SF1: variants seen among roughly 807,000 people sequenced by gnomAD.
SF1 encodes splicing factor 1, also known as branch point-binding protein.
A neutral mutation model predicts 62.5 loss-of-function variants in SF1; 7 were observed. The observed-to-expected ratio is 0.11, with a 90% CI of 0.06 to 0.21. The LOEUF (loss-of-function observed/expected upper bound fraction) is 0.21, where lower values mean the gene tolerates loss of function less well. Ranked by LOEUF, SF1 falls within the 10% of genes least tolerant of loss-of-function variation. The pLI is 1.00. For missense variants in SF1, 578 were observed against 884.0 expected (o/e 0.65, Z 4.39); for synonymous variants, 394 against 323.6 (o/e 1.22, Z -2.33).
At chr11:64,778,190 A>C in intron 1 of SF1, 172 bp downstream of exon 1, 1 of 1,011,360 alleles carries the variant, frequency 9.9e-7, no homozygotes, top group Non-Finnish European at 1.2e-6. Context: ...CGGCGGAGGC[A>C]GCGCCGCGAA....
intron 12 of SF1, chr11:64,766,680 C>T: frequency 4.4e-6 from 2 of 456,000 alleles, no homozygotes; most frequent in Middle Eastern, 5.6e-4. Flanking sequence ...CCCCTCCAGG[C>T]CCCCACGAAC....
chr11:64,765,367 C>T lies in SF1; in HGVS notation c.*451G>A, dbSNP rs775265627. Reference sequence around the variant, plus strand: ...TTCACGATATGGAGCCAGCGTGTTCCGATTCCGTCCACAAAAATAACTCAG... The same window carrying T: ...TTCACGATATGGAGCCAGCGTGTTCTGATTCCGTCCACAAAAATAACTCAG... On this transcript the variant is annotated 3_prime_UTR_variant, in exon 13 of 13. Coordinates refer to ENST00000377390, the MANE Select transcript of SF1 (RefSeq NM_004630.4). 2.4e-5 allele frequency: 23 copies of T among 955,318 alleles called. No individual in the cohort carries two copies. Among genetic ancestry groups the T allele is most frequent in the Non-Finnish European group, 3.0e-5 (18 of 597,752 alleles). 59.2% of individuals were successfully genotyped at this position (955,318 alleles called of 1,614,324 possible).
In SF1 at chr11:64,776,480, T is replaced by A. The variant is rs755650199; in HGVS notation, c.160+18A>T. ...GTAACAATCTCAAAGTGCATTTGGATGCAGAACGTATATTTACCTATATAA... is the reference window on the plus strand; with the variant it reads ...GTAACAATCTCAAAGTGCATTTGGAAGCAGAACGTATATTTACCTATATAA... On this transcript the variant is annotated intron_variant, in intron 2 of 12. Coordinates refer to ENST00000377390, the MANE Select transcript of SF1 (RefSeq NM_004630.4). 6.4e-7 allele frequency: 1 copy of A among 1,568,672 alleles called. No individual in the cohort carries two copies. The highest frequency in any genetic ancestry group is 8.6e-7 in the Non-Finnish European group (1 of 1,162,478).
Position 64,769,629 on chromosome 11 carries a change from T to C in SF1, c.480-20A>G. The C allele has an allele frequency of 6.2e-7, 1 of 1,604,592 alleles. No homozygotes were observed. The highest frequency in any genetic ancestry group is 8.5e-7 in the Non-Finnish European group (1 of 1,172,882). On this transcript the variant is annotated intron_variant, in intron 5 of 12. Coordinates refer to ENST00000377390, the MANE Select transcript of SF1 (RefSeq NM_004630.4). ...TTCCCTCTAGAGAGGCAGAAATGAC[T>C]AAGTTTATACCTGACAAATTCACAC...
intron 3 of SF1, chr11:64,771,780 T>C (rs1198732345): frequency 1.2e-5 from 12 of 985,008 alleles, no homozygotes; most frequent in Non-Finnish European, 1.4e-5. Flanking sequence ...AGCATCAAAA[T>C]AACAATAAAG....
At chr11:64,773,304 A>G in intron 3 of SF1, 126 bp downstream of exon 3, 3 of 1,475,164 alleles carry the variant, frequency 2.0e-6, no homozygotes, top group South Asian at 2.9e-5. Context: ...CTTAATCCCC[A>G]AAGTGGTCAG....
chr11:64,777,776 T>TACC, intron 1 of SF1: 1 of 960,796 alleles, frequency 1.0e-6, no homozygotes, highest in Non-Finnish European at 1.2e-6. Flanking sequence ...ACAGAGCGCC[T>TACC]CCCGCCCGCC....
At chr11:64,772,904 A>G in intron 3 of SF1, 1 of 986,952 alleles carries the variant, frequency 1.0e-6, no homozygotes, top group Non-Finnish European at 1.2e-6. Flanking sequence ...CAAGGCTGAA[A>G]GTTAACTGGC....
chr11:64,776,931 G>C (rs1429160306), intron 1 of SF1, among the ~76,000 whole-genome samples: 3 of 152,196 alleles, frequency 2.0e-5, no homozygotes, highest in Non-Finnish European at 4.4e-5. Flanking sequence ...GTGTTAGATA[G>C]ATACTACATC....
chr11:64,766,586 A>G (rs2058687538), intron 12 of SF1: 1 of 410,682 alleles, frequency 2.4e-6, no homozygotes, highest in Non-Finnish European at 4.3e-6. Context: ...CACTCGACCC[A>G]TATGCACCAG....
intron 2 of SF1, among the ~76,000 whole-genome samples, chr11:64,775,268 G>A (rs746322718): frequency 6.6e-6 from 1 of 152,024 alleles, no homozygotes; most frequent in African/African-American, 2.4e-5. Flanking sequence ...TAGTCCTTAG[G>A]GCCCAGTGAA....
intron 3 of SF1, chr11:64,772,322 T>G (rs1248479538): frequency 1.0e-6 from 1 of 982,414 alleles, no homozygotes; most frequent in East Asian, 1.1e-4. Context: ...CAATGTAAAT[T>G]TAAAAAAAAA....
At position 64,764,846 on chromosome 11, in the gene SF1, A is replaced by G. The variant is rs1228471509; in HGVS notation, c.*972T>C. On this transcript the variant is annotated 3_prime_UTR_variant, in exon 13 of 13. Transcript: ENST00000377390. ...CAAAACATTCAGACATTTGGGATTA[A>G]AACAAAACATAAAAGGAAGCCTTCC... The G allele has an allele frequency of 6.6e-6, 1 of 152,440 alleles. No homozygotes were observed. Among genetic ancestry groups the G allele is most frequent in the African/African-American group, 2.4e-5 (1 of 41,460 alleles). The allele number at this position is 152,440 out of a possible 1,614,324, so 9.4% of individuals were successfully genotyped here.
In SF1 at chr11:64,768,199, G is replaced by A. The variant is rs758940242; in HGVS notation, c.975C>T (p.Val325=). The A allele has an allele frequency of 6.2e-7, 1 of 1,614,084 alleles. No homozygotes were observed. Among genetic ancestry groups the A allele is most frequent in the Non-Finnish European group, 8.5e-7 (1 of 1,179,974 alleles). Residue 325 remains valine (V), a synonymous_variant, in exon 9 of 13, where the codon GTC becomes GTT. Coordinates refer to ENST00000377390, the MANE Select transcript of SF1 (RefSeq NM_004630.4). The part of the protein sequence containing the change: ...SLMAELGEAP[V]PASVGSTSGP... The stretch of plus-strand genomic sequence containing the variant: ...CAGAGGTGGAGCCCACAGATGCTGG[G>A]ACAGGTGCTTCACCCAGTTCAGCCA...
At chr11:64,774,954 A>G (rs1426809753) in intron 2 of SF1, among the ~76,000 whole-genome samples, 1 of 145,854 alleles carries the variant, frequency 6.9e-6, no homozygotes, top group Non-Finnish European at 1.5e-5. Flanking sequence ...AGCAAGACTC[A>G]GTCTCTCAAA....
At chr11:64,769,822 C>T in intron 5 of SF1, 142 bp downstream of exon 5, 1 of 758,620 alleles carries the variant, frequency 1.3e-6, no homozygotes, top group South Asian at 1.8e-5. Context: ...CACCTTCTCA[C>T]AGAAAGGCAT....
intron 2 of SF1, 181 bp downstream of exon 2, chr11:64,776,317 A>T (rs552507040): frequency 3.2e-6 from 2 of 632,848 alleles, no homozygotes; most frequent in East Asian, 6.2e-5. Context: ...CGAACAGACC[A>T]AAACAAGGAG....
At chr11:64,768,756 C>T (rs550521369) in intron 8 of SF1, among the ~76,000 whole-genome samples, 1 of 152,332 alleles carries the variant, frequency 6.6e-6, no homozygotes, top group East Asian at 1.9e-4. Flanking sequence ...CAATTCTGAA[C>T]AGCAAAAGCA....
At chr11:64,772,255 ATAT>A (rs1938440382) in intron 3 of SF1, 1 of 985,158 alleles carries the variant, frequency 1.0e-6, no homozygotes, top group Non-Finnish European at 1.2e-6. Flanking sequence ...ACCTGTAGAC[ATAT>A]TATTAAAGGG....
Sources: allele counts gnomAD v4.1 joint callset (sites outside exome capture counted in the v4.1 genomes callset), GRCh38; gene constraint gnomAD v4.1.1; transcripts MANE v1.5; gene names NCBI Gene and HGNC (gene_info 2026-07-23, HGNC 2026-07-21).